The following BOC variants were observed in gnomAD, a reference collection of about 807,000 sequenced individuals.
The protein encoded by BOC is BOC cell adhesion associated, oncogene regulated.
BOC carries 76 observed loss-of-function variants against 112.0 expected under a neutral mutation model. The observed-to-expected ratio is 0.68, with a 90% CI of 0.56 to 0.82. The LOEUF (loss-of-function observed/expected upper bound fraction) is 0.82. Among genes scored for constraint, BOC ranks in the 40% least tolerant of loss-of-function variants. The pLI is 0.00. For synonymous variants in BOC, 580 were observed against 599.8 expected (o/e 0.97, Z 0.48); for missense variants, 1,309 against 1,511.7 (o/e 0.87, Z 2.22).
In BOC at chr3:113,263,089, T is replaced by C. The variant is rs555143089; in HGVS notation, c.377-5210T>C. ...GTAGAGCAGAATCCTTTGTGCCTTG[T>C]AGCATTAGCCACAGATGCAGCAAGC... On this transcript the variant is annotated intron_variant, in intron 4 of 19. Transcript: ENST00000682979. Among the ~76,000 whole-genome samples, 4 of 152,322 alleles carry C rather than the reference T, an allele frequency of 2.6e-5. No individual in the cohort carries two copies. In the South Asian group the frequency reaches 8.4e-4, roughly 32 times the overall value.
rs199782751 is a variant in BOC, at chr3:113,280,022, G to A, written c.2205+17G>A. ...AAGTGGATGGTAAGCGGGCCTGGCCGTGGACTGCAGTGGAAGACGGCCTCC... is the reference window on the plus strand; with the variant it reads ...AAGTGGATGGTAAGCGGGCCTGGCCATGGACTGCAGTGGAAGACGGCCTCC... On this transcript the variant is annotated intron_variant, in intron 13 of 19. Coordinates refer to ENST00000682979, the MANE Select transcript of BOC (RefSeq NM_001378074.1). 1.4e-4 allele frequency: 222 copies of A among 1,583,266 alleles called. 1 individual carries two copies. The East Asian group carries it at 3.2e-3, about 23-fold the overall frequency.
intron 2 of BOC, among the ~76,000 whole-genome samples, chr3:113,217,388 G>A (rs895785903): frequency 3.9e-5 from 6 of 152,170 alleles, no homozygotes; most frequent in Admixed American, 1.3e-4. Flanking sequence ...TTAGCCAGGC[G>A]TGGTGGCATG....
intron 4 of BOC, among the ~76,000 whole-genome samples, chr3:113,258,576 T>C (rs902727260): frequency 6.6e-6 from 1 of 152,236 alleles, no homozygotes; most frequent in African/African-American, 2.4e-5. Context: ...ATGTGTTGGC[T>C]TGGGCATCAG....
Position 113,284,488 on chromosome 3 carries a change from T to A in BOC, c.2810T>A (p.Met937Lys). 1.2e-6 allele frequency: 2 copies of A among 1,614,198 alleles called. No individual in the cohort carries two copies. Among genetic ancestry groups the A allele is most frequent in the Non-Finnish European group, 1.7e-6 (2 of 1,180,022 alleles). The change falls in exon 17 of 20, where the codon ATG becomes AAG. Residue 937 changes from methionine to lysine, a missense_variant. By Grantham distance (95) the Met-to-Lys change is moderately conservative (BLOSUM62 -1). Transcript: ENST00000682979. ...SGRACANGIH[M>K]NRGCPSAAVG... ...CGGGCCTGTGCTAATGGGATCCACA[T>A]GAATAGGGGCTGCCCCTCGGCTGCA...
At chr3:113,228,097 T>C (rs1306040948) in intron 2 of BOC, among the ~76,000 whole-genome samples, 2 of 152,206 alleles carry the variant, frequency 1.3e-5, no homozygotes, top group Non-Finnish European at 2.9e-5. Flanking sequence ...TCCTTTACCA[T>C]ATGTTGAGCT....
intron 4 of BOC, among the ~76,000 whole-genome samples, chr3:113,262,660 C>A (rs1339365619): frequency 6.6e-6 from 1 of 152,202 alleles, no homozygotes; most frequent in Non-Finnish European, 1.5e-5. Flanking sequence ...GAGGCTCCAG[C>A]CTTCTGTTTC....
chr3:113,256,854 C>T (rs1416813971), intron 4 of BOC, among the ~76,000 whole-genome samples: 1 of 151,980 alleles, frequency 6.6e-6, no homozygotes, highest in African/African-American at 2.4e-5. Flanking sequence ...TTAGCTCATG[C>T]AGGCTGTAGA....
intron 2 of BOC, among the ~76,000 whole-genome samples, chr3:113,232,155 C>T (rs893402644): frequency 1.1e-4 from 17 of 152,316 alleles, no homozygotes; most frequent in Middle Eastern, 3.4e-3. Flanking sequence ...CCACACTTTG[C>T]TCCTGCTGTA....
intron 2 of BOC, among the ~76,000 whole-genome samples, chr3:113,224,239 G>T (rs1941265715): frequency 6.6e-6 from 1 of 152,206 alleles, no homozygotes; most frequent in Non-Finnish European, 1.5e-5. Flanking sequence ...GGTTCCAGTG[G>T]TGTCTGTGTT....
chr3:113,221,795 T>C (rs1485310463), intron 2 of BOC, among the ~76,000 whole-genome samples: 3 of 152,320 alleles, frequency 2.0e-5, no homozygotes, highest in African/African-American at 7.2e-5. Flanking sequence ...GGCTTCCTGT[T>C]TGATTAAGAG....
intron 2 of BOC, among the ~76,000 whole-genome samples, chr3:113,236,290 A>ATGTC (rs1943510330): frequency 7.6e-5 from 3 of 39,648 alleles, no homozygotes; most frequent in Non-Finnish European, 1.2e-4. Flanking sequence ...GGGTATATAT[A>ATGTC]TATATATATA....
chr3:113,240,522 AG>A (rs1944155943), intron 2 of BOC, among the ~76,000 whole-genome samples: 1 of 152,224 alleles, frequency 6.6e-6, no homozygotes, highest in African/African-American at 2.4e-5. Context: ...GTATTCATTC[AG>A]GAACCATTTA....
At chr3:113,246,974 G>T (rs1944993539) in intron 2 of BOC, among the ~76,000 whole-genome samples, 1 of 152,094 alleles carries the variant, frequency 6.6e-6, no homozygotes, top group African/African-American at 2.4e-5. Flanking sequence ...TGTTTGGCTG[G>T]TCCTCGTTAA....
chr3:113,215,245 T>C (rs1273099660), intron 1 of BOC, among the ~76,000 whole-genome samples: 1 of 152,164 alleles, frequency 6.6e-6, no homozygotes, highest in Non-Finnish European at 1.5e-5. Flanking sequence ...AAACCCGTGT[T>C]TATGAAAAGC....
At chr3:113,234,679 C>T (rs896753560) in intron 2 of BOC, among the ~76,000 whole-genome samples, 14 of 152,292 alleles carry the variant, frequency 9.2e-5, no homozygotes, top group South Asian at 2.1e-4. Flanking sequence ...CACTGAATTG[C>T]GCCCAGTGCC....
chr3:113,285,393 C>A lies in BOC; in HGVS notation c.2988C>A (p.Asp996Glu), dbSNP rs34600669. The A allele has an allele frequency of 6.2e-7, 1 of 1,613,040 alleles. No individual in the cohort carries two copies. The highest frequency in any genetic ancestry group is 1.7e-5 in the Admixed American group (1 of 60,000). The change falls in exon 19 of 20, where the codon GAC becomes GAA. Residue 996 changes from aspartate to glutamate, a missense_variant. Asp to Glu is a conservative substitution (Grantham distance 45). Transcript: ENST00000682979. ...GCAGGGGTCCCAAGTCTAGCCCGGA[C>A]GAGGGCTCTTTCTTATACACACTGC... ...QITRGPKSSP[D>E]EGSFLYTLPD...
intron 12 of BOC, 46 bp from the exon 13 acceptor site, chr3:113,279,777 GA>G: frequency 6.5e-7 from 1 of 1,543,272 alleles, no homozygotes; most frequent in Non-Finnish European, 8.8e-7. Flanking sequence ...GGGAGAATCA[GA>G]AGGTATTTCC....
At chr3:113,280,396 C>T (rs1257755877) in intron 13 of BOC, among the ~76,000 whole-genome samples, 162 bp from the exon 14 acceptor site, 3 of 152,220 alleles carry the variant, frequency 2.0e-5, no homozygotes, top group African/African-American at 2.4e-5. Flanking sequence ...ATCTTTACAA[C>T]ATTTTTCAGA....
chr3:113,280,277 C>T (rs1388814048), intron 13 of BOC, among the ~76,000 whole-genome samples: 3 of 151,630 alleles, frequency 2.0e-5, no homozygotes, highest in African/African-American at 4.8e-5. Context: ...CACAGGGGCC[C>T]CTCACATGTC....
Sources: gnomAD v4.1 joint callset for allele counts (sites outside exome capture counted in the v4.1 genomes callset) on GRCh38, gnomAD v4.1.1 for gene constraint, MANE v1.5 for transcripts, NCBI Gene and HGNC (gene_info 2026-07-23, HGNC 2026-07-21) for gene names.